ABR: variants seen among roughly 807,000 people sequenced by gnomAD.
The protein encoded by ABR is ABR activator of RhoGEF and GTPase, also known as active breakpoint cluster region-related protein.
Under a neutral mutation model 107.2 loss-of-function variants are expected in ABR, and 35 were observed. The observed-to-expected ratio is 0.33, with a 90% CI of 0.25 to 0.43. ABR has a LOEUF of 0.43. ABR is among the 20% of genes least tolerant of loss of function. ABR has a pLI of 1.00. For synonymous variants in ABR, 498 were observed against 462.0 expected, an observed-to-expected ratio of 1.08 and a Z score of -1.00; for missense variants, 815 against 1,115.2, an observed-to-expected ratio of 0.73 and a Z score of 3.83.
At chr17:1,094,932 G>A (rs2037303069) in intron 3 of ABR, among the ~76,000 whole-genome samples, 1 of 152,140 alleles carries the variant, frequency 6.6e-6, no homozygotes, top group Admixed American at 6.5e-5. Context: ...CCAAGCCCAG[G>A]TGGGTGAGCT....
At chr17:1,149,192 C>G (rs1187497231) in intron 1 of ABR, among the ~76,000 whole-genome samples, 1 of 151,858 alleles carries the variant, frequency 6.6e-6, no homozygotes, top group Non-Finnish European at 1.5e-5. Context: ...CGTGAGCTAC[C>G]TAGCGCCCGG....
At chr17:1,112,552 G>T (rs529185058) in intron 2 of ABR, among the ~76,000 whole-genome samples, 1 of 148,566 alleles carries the variant, frequency 6.7e-6, no homozygotes, top group African/African-American at 2.5e-5. Flanking sequence ...AGCTATGATC[G>T]CACCACTGCA....
Position 1,101,744 on chromosome 17 carries a change from T to A in ABR, c.247-1009A>T, listed in dbSNP as rs1490970978. Among the ~76,000 whole-genome samples the A allele has an allele frequency of 3.3e-5, 5 of 151,838 alleles. No homozygotes were observed. In the South Asian group the frequency reaches 1.0e-3, roughly 32 times the overall value. ...AGACATTTATTTTTTCTTTTTTTTT[T>A]TTTTTTAGAGACGGAGTCTCGCTCT... is the stretch of plus-strand genomic sequence containing the variant. On this transcript the variant is annotated intron_variant, in intron 2 of 22. Transcript: ENST00000302538.
rs77044765 is a variant in ABR, at chr17:1,215,081, G to A, written c.838+13712C>T. ...CAAAACATACAGAAATTAGGTAGGC[G>A]TGATGGTGTGTGCCTGTAGTCCCAA... On this transcript the variant is annotated intron_variant, in intron 1 of 22. Coordinates refer to the ABR transcript ENST00000574139. Among the ~76,000 whole-genome samples the A allele has an allele frequency of 4.0e-3, 609 of 151,952 alleles. 1 individual carries two copies. Among genetic ancestry groups the A allele is most frequent in the African/African-American group, 0.013 (556 of 41,456 alleles).
chr17:1,225,460 C>G (rs998796792), intron 1 of ABR, among the ~76,000 whole-genome samples: 2 of 152,022 alleles, frequency 1.3e-5, no homozygotes, highest in Admixed American at 1.3e-4. Flanking sequence ...CAAGACCAGC[C>G]CGGCCAATAT....
At chr17:1,018,263 T>TC (rs1351070731) in intron 16 of ABR, among the ~76,000 whole-genome samples, 1 of 151,338 alleles carries the variant, frequency 6.6e-6, no homozygotes, top group Non-Finnish European at 1.5e-5. Context: ...AGGATGGTCT[T>TC]GATCTCCTGA....
chr17:1,014,706 C>T (rs1169427375), intron 16 of ABR, among the ~76,000 whole-genome samples: 8 of 151,372 alleles, frequency 5.3e-5, no homozygotes, highest in Non-Finnish European at 8.8e-5. Context: ...ATTAGCCGGG[C>T]GCGGTGGTGG....
chr17:1,140,409 G>A (rs117520267), intron 1 of ABR, among the ~76,000 whole-genome samples: 2,002 of 152,090 alleles, frequency 0.013, 20 homozygotes, highest in Non-Finnish European at 0.02. Flanking sequence ...CTGGGAGGCC[G>A]GCAACCCTGA....
chr17:1,131,122 GCA>G (rs2039808314), intron 1 of ABR, among the ~76,000 whole-genome samples: 1 of 113,858 alleles, frequency 8.8e-6, no homozygotes. Context: ...CCTGCCACGC[GCA>G]CAGCTCCCCC....
At chr17:1,087,483 T>TC (rs2151278569) in intron 4 of ABR, among the ~76,000 whole-genome samples, 1 of 151,238 alleles carries the variant, frequency 6.6e-6, no homozygotes, top group African/African-American at 2.4e-5. Context: ...CCAGAGGCAT[T>TC]CAGGTCTCAG....
At chr17:1,021,629 C>T (rs975077667) in intron 16 of ABR, among the ~76,000 whole-genome samples, 1 of 151,152 alleles carries the variant, frequency 6.6e-6, no homozygotes, top group African/African-American at 2.4e-5. Context: ...CGTGGCGAAA[C>T]CCCGTCTCTA....
At chr17:1,213,399 C>CT (rs537977869) in intron 1 of ABR, among the ~76,000 whole-genome samples, 68 of 151,956 alleles carry the variant, frequency 4.5e-4, no homozygotes, top group Admixed American at 1.2e-3. Context: ...AGGTCACAGT[C>CT]TTTTTTTTGA....
chr17:1,053,780 G>T (rs890434935), intron 14 of ABR, among the ~76,000 whole-genome samples: 3 of 152,148 alleles, frequency 2.0e-5, no homozygotes, highest in African/African-American at 7.2e-5. Flanking sequence ...TCCCTGAGGC[G>T]AGGACCTCCC....
intron 1 of ABR, among the ~76,000 whole-genome samples, chr17:1,172,829 CAT>C (rs1238052087): frequency 6.6e-6 from 1 of 152,048 alleles, no homozygotes; most frequent in Non-Finnish European, 1.5e-5. Flanking sequence ...GCCAAGGTCA[CAT>C]GTCACAAACA....
At chr17:1,113,660 G>A (rs890394612) in intron 2 of ABR, among the ~76,000 whole-genome samples, 166 of 152,210 alleles carry the variant, frequency 1.1e-3, no homozygotes, top group African/African-American at 3.2e-3. Flanking sequence ...CGTTGGCTGC[G>A]TCAGATGTGC....
intron 2 of ABR, among the ~76,000 whole-genome samples, chr17:1,122,839 C>T (rs573928573): frequency 1.3e-5 from 2 of 152,350 alleles, no homozygotes; most frequent in South Asian, 4.1e-4. Flanking sequence ...CAACCTTGGG[C>T]TTCCCGTTGG....
chr17:1,061,003 A>C (rs1286287023), intron 10 of ABR, among the ~76,000 whole-genome samples: 1 of 152,038 alleles, frequency 6.6e-6, no homozygotes, highest in Non-Finnish European at 1.5e-5. Flanking sequence ...ATCTCAAAAA[A>C]AAACAAAAAA....
chr17:1,065,103 A>T (rs1249243329), intron 10 of ABR, among the ~76,000 whole-genome samples: 2 of 82,776 alleles, frequency 2.4e-5, no homozygotes, highest in African/African-American at 9.4e-5. Flanking sequence ...CGCTGCTGTT[A>T]CGTGAACTGA....
At chr17:1,127,315 G>A (rs1299299224) in intron 1 of ABR, among the ~76,000 whole-genome samples, 15 of 152,174 alleles carry the variant, frequency 9.9e-5, no homozygotes, top group East Asian at 3.8e-4. Flanking sequence ...TGTACGCCAC[G>A]TACCTGGGCA....
Sources: gnomAD v4.1 joint callset for allele counts (sites outside exome capture counted in the v4.1 genomes callset) on GRCh38, gnomAD v4.1.1 for gene constraint, MANE v1.5 for transcripts, NCBI Gene and HGNC (gene_info 2026-07-23, HGNC 2026-07-21) for gene names.